The following PLXNA2 variants were observed in gnomAD, a reference collection of about 807,000 sequenced individuals.
PLXNA2 encodes plexin-A2.
Under a neutral mutation model 193.5 loss-of-function variants are expected in PLXNA2, and 91 were observed. That is an observed-to-expected ratio of 0.47 (90% CI 0.40 to 0.56). The LOEUF (loss-of-function observed/expected upper bound fraction) is 0.56, where lower values mean the gene tolerates loss of function less well. PLXNA2 is among the 20% of genes least tolerant of loss of function. The pLI is 0.00. For missense variants in PLXNA2, 1,995 were observed against 2,503.2 expected (o/e 0.80, Z 4.33); for synonymous variants, 997 against 1,027.3 (o/e 0.97, Z 0.56).
intron 3 of PLXNA2, among the ~76,000 whole-genome samples, chr1:208,173,096 A>G (rs1413870143): frequency 6.6e-6 from 1 of 152,342 alleles, no homozygotes; most frequent in East Asian, 1.9e-4. Context: ...CACTAACAAG[A>G]GCAGGGCTCT....
chr1:208,200,382 G>A (rs574508909), intron 3 of PLXNA2, among the ~76,000 whole-genome samples: 1 of 152,244 alleles, frequency 6.6e-6, no homozygotes, highest in East Asian at 1.9e-4. Flanking sequence ...GTAGCCATAA[G>A]CTCTTAGCTT....
At position 208,042,176 on chromosome 1, in the gene PLXNA2, T is replaced by A; in HGVS notation, c.4208A>T (p.Asp1403Val). ...GTCAGAGAGCAGCTGCTTGAGGACA[T>A]CAGTGGCATATTCCAGGCGGCCCTG... ...GLQGRLEYAT[D>V]VLKQLLSDLI... Residue 1403 changes from aspartate to valine, a missense_variant, in exon 22 of 32, where the codon GAT becomes GTT. Physicochemically the swap from Asp to Val is radical, Grantham distance 152. Coordinates refer to ENST00000367033, the MANE Select transcript of PLXNA2 (RefSeq NM_025179.4). The A allele has an allele frequency of 6.2e-7, 1 of 1,614,210 alleles. No individual in the cohort carries two copies. The highest frequency in any genetic ancestry group is 2.2e-5 in the East Asian group (1 of 44,880).
intron 3 of PLXNA2, among the ~76,000 whole-genome samples, chr1:208,185,394 A>G (rs905361055): frequency 6.6e-6 from 1 of 152,214 alleles, no homozygotes; most frequent in African/African-American, 2.4e-5. Context: ...TGGCATAAAT[A>G]TATCCATATA....
intron 5 of PLXNA2, among the ~76,000 whole-genome samples, chr1:208,101,594 G>A (rs1667097733): frequency 6.6e-6 from 1 of 152,238 alleles, no homozygotes; most frequent in African/African-American, 2.4e-5. Context: ...AGTCACGGCT[G>A]ACCTGCACCA....
At chr1:208,201,420 A>T (rs148148568) in intron 3 of PLXNA2, among the ~76,000 whole-genome samples, 2 of 152,340 alleles carry the variant, frequency 1.3e-5, no homozygotes, top group African/African-American at 4.8e-5. Context: ...ATGCAACTGG[A>T]TGCCAAAGTC....
At chr1:208,158,759 T>A (rs1669014410) in intron 3 of PLXNA2, among the ~76,000 whole-genome samples, 1 of 152,218 alleles carries the variant, frequency 6.6e-6, no homozygotes, top group South Asian at 2.1e-4. Flanking sequence ...GAAAACAGGC[T>A]GTTCTCAAAG....
chr1:208,102,728 A>T (rs1345762822), intron 5 of PLXNA2, among the ~76,000 whole-genome samples: 1 of 152,240 alleles, frequency 6.6e-6, no homozygotes, highest in African/African-American at 2.4e-5. Context: ...CCAGGGTCAC[A>T]CAGCAGCTAG....
rs1031450835 is a variant in PLXNA2 at position 208,024,288 on chromosome 1, T to C, written c.*2955A>G. ...TACCCAAGGTCAAAATATCCTCAAA[T>C]TGGATAACAGGGAGAAGAGAGGCCA... On this transcript the variant is annotated 3_prime_UTR_variant, in exon 32 of 32. Transcript: ENST00000367033. The C allele has an allele frequency of 6.6e-6, 1 of 152,008 alleles. No homozygotes were observed. The highest frequency in any genetic ancestry group is 6.6e-5 in the Admixed American group (1 of 15,266). 9.4% of individuals were successfully genotyped at this position (152,008 alleles called of 1,614,324 possible). A position where few individuals can be genotyped will look rare whatever the true frequency, so the allele number is the denominator to read the frequency against.
At chr1:208,081,634 G>T (rs1666346378) in intron 11 of PLXNA2, among the ~76,000 whole-genome samples, 2 of 151,962 alleles carry the variant, frequency 1.3e-5, no homozygotes, top group Non-Finnish European at 2.9e-5. Context: ...AATCTCTTTG[G>T]GTCTCAGTTT....
At position 208,082,411 on chromosome 1, in the gene PLXNA2, C is replaced by T. The variant is rs1558182578; in HGVS notation, c.2395+1G>A. 4 of 1,613,284 alleles carry T rather than the reference C, an allele frequency of 2.5e-6. No homozygotes were observed. Among genetic ancestry groups the T allele is most frequent in the Non-Finnish European group, 3.4e-6 (4 of 1,179,272 alleles). ...ACTTCTACCCGGAAGTAGCCGCTTACCTTTCAGGTCCTGAGGGTTGTCAAT... is the reference window on the plus strand; with the variant it reads ...ACTTCTACCCGGAAGTAGCCGCTTATCTTTCAGGTCCTGAGGGTTGTCAAT... On this transcript the variant is annotated splice_donor_variant, in intron 11 of 31. Coordinates refer to ENST00000367033, the MANE Select transcript of PLXNA2 (RefSeq NM_025179.4). LOFTEE classifies it high-confidence loss of function. The surrounding 1 kb of genome is among the most constrained non-coding windows in gnomAD (Gnocchi z 4.2).
At chr1:208,237,972 C>T (rs531849509) in intron 1 of PLXNA2, among the ~76,000 whole-genome samples, 4 of 152,320 alleles carry the variant, frequency 2.6e-5, no homozygotes, top group African/African-American at 9.6e-5. Context: ...AATTCCAATT[C>T]CCGCTTTCAG....
At chr1:208,067,101 T>C (rs1224621547) in intron 12 of PLXNA2, among the ~76,000 whole-genome samples, 1 of 152,074 alleles carries the variant, frequency 6.6e-6, no homozygotes, top group Admixed American at 6.5e-5. Context: ...TCCCAGCACT[T>C]TGGGAGGCCG....
At chr1:208,189,180 G>A (rs1257523608) in intron 3 of PLXNA2, among the ~76,000 whole-genome samples, 7 of 152,136 alleles carry the variant, frequency 4.6e-5, no homozygotes, top group African/African-American at 1.7e-4. Flanking sequence ...TTTTTAACAG[G>A]GTGAACCAGC....
intron 1 of PLXNA2, among the ~76,000 whole-genome samples, chr1:208,231,928 A>G (rs913192396): frequency 4.6e-5 from 7 of 152,250 alleles, no homozygotes; most frequent in Non-Finnish European, 8.8e-5. Flanking sequence ...CTCTGCCTGC[A>G]CATAAGCAAT....
At chr1:208,029,276 A>C in intron 29 of PLXNA2, 1 of 1,339,422 alleles carries the variant, frequency 7.5e-7, no homozygotes, top group Non-Finnish European at 9.6e-7. Context: ...GATCTCTAAC[A>C]TCCGAGGGGT....
intron 1 of PLXNA2, among the ~76,000 whole-genome samples, chr1:208,228,216 T>C (rs894209487): frequency 1.3e-5 from 2 of 152,214 alleles, no homozygotes; most frequent in Non-Finnish European, 2.9e-5. Flanking sequence ...CTCACATGGC[T>C]GGCCACTGAA....
intron 4 of PLXNA2, among the ~76,000 whole-genome samples, chr1:208,108,728 C>T (rs1199574560): frequency 6.6e-6 from 1 of 152,224 alleles, no homozygotes; most frequent in Non-Finnish European, 1.5e-5. Context: ...TCTCTTCCCT[C>T]CTGGAGCCCA....
intron 1 of PLXNA2, among the ~76,000 whole-genome samples, chr1:208,231,518 A>G (rs1671692143): frequency 6.6e-6 from 1 of 152,146 alleles, no homozygotes; most frequent in Non-Finnish European, 1.5e-5. Flanking sequence ...AGGTGTGAGC[A>G]CGTCTGTCTG....
chr1:208,168,724 G>GGTT (rs1491302678), intron 3 of PLXNA2, among the ~76,000 whole-genome samples: 3 of 73,156 alleles, frequency 4.1e-5, no homozygotes, highest in East Asian at 4.8e-4. Context: ...AGTATGCGGG[G>GGTT]TTTTTTTTTT....
Sources: allele counts gnomAD v4.1 joint callset (sites outside exome capture counted in the v4.1 genomes callset), GRCh38; gene constraint gnomAD v4.1.1; non-coding constraint Gnocchi (gnomAD v3.1); transcripts MANE v1.5; gene names NCBI Gene and HGNC (gene_info 2026-07-23, HGNC 2026-07-21).